TMEM59L: variants seen among roughly 807,000 people sequenced by gnomAD.
TMEM59L encodes the protein transmembrane protein 59-like.
In TMEM59L, 31 loss-of-function variants were observed where a neutral mutation model predicts 39.6. The ratio of observed to expected loss-of-function variants is 0.78; its 90% confidence interval spans 0.59 to 1.06. The LOEUF (loss-of-function observed/expected upper bound fraction) is 1.06, where lower values mean the gene tolerates loss of function less well. Among genes scored for constraint, TMEM59L ranks in the 50% least tolerant of loss-of-function variants. TMEM59L has a pLI of 0.00. For synonymous variants in TMEM59L, 219 were observed against 202.9 expected, an observed-to-expected ratio of 1.08 and a Z score of -0.68; for missense variants, 441 against 451.3, an observed-to-expected ratio of 0.98 and a Z score of 0.21.
At chr19:18,616,889 A>T in intron 4 of TMEM59L, 111 bp from the exon 5 acceptor site, 1 of 784,702 alleles carries the variant, frequency 1.3e-6, no homozygotes, top group Non-Finnish European at 2.1e-6. Context: ...CCTGATACCC[A>T]GGGGAACTGG....
intron 2 of TMEM59L, 35 bp downstream of exon 2, chr19:18,614,051 G>C (rs1210168347): frequency 6.2e-7 from 1 of 1,612,942 alleles, no homozygotes; most frequent in Non-Finnish European, 8.5e-7. Context: ...CCAGCGTGGG[G>C]AGAGGTGGCC....
At chr19:18,615,733 G>C (rs1407443837) in intron 3 of TMEM59L, among the ~76,000 whole-genome samples, 1 of 152,156 alleles carries the variant, frequency 6.6e-6, no homozygotes, top group Non-Finnish European at 1.5e-5. Context: ...TCAGCCTCTG[G>C]AGTAGCTGAG....
rs898481967 is a variant in TMEM59L, at chr19:18,614,088, C to T, written c.317-16C>T. The T allele has an allele frequency of 1.2e-6, 2 of 1,612,276 alleles. No individual in the cohort carries two copies. Among genetic ancestry groups the T allele is most frequent in the African/African-American group, 1.3e-5 (1 of 75,064 alleles). ...GGGAAGGGCCGTCCCCAGTCACCCG[C>T]TCCCACCTCCCACAGCCTGCGTGGA... On this transcript the variant is annotated splice_polypyrimidine_tract_variant and intron_variant, in intron 2 of 7. Coordinates refer to ENST00000262817, the MANE Select transcript of TMEM59L (RefSeq NM_012109.3).
Position 18,620,618 on chromosome 19 carries a change from G to A in TMEM59L, c.*82G>A, listed in dbSNP as rs900366139. On this transcript the variant is annotated 3_prime_UTR_variant, in exon 8 of 8. Transcript: ENST00000262817. Reference sequence around the variant, plus strand: ...CTGAGCCCAGGAGTCCAAGGGCAGGGTGGGTCCAGCCTTGAGCCCCTCCAC... The same window carrying A: ...CTGAGCCCAGGAGTCCAAGGGCAGGATGGGTCCAGCCTTGAGCCCCTCCAC... 28 of 1,530,092 alleles carry A rather than the reference G, an allele frequency of 1.8e-5. No individual in the cohort carries two copies. Among genetic ancestry groups the A allele is most frequent in the Non-Finnish European group, 2.0e-5 (23 of 1,139,320 alleles). The allele number at this position is 1,530,092 out of a possible 1,614,324, so 94.8% of individuals were successfully genotyped here.
At chr19:18,614,827 G>A (rs1976410853) in intron 3 of TMEM59L, among the ~76,000 whole-genome samples, 2 of 152,222 alleles carry the variant, frequency 1.3e-5, no homozygotes, top group Non-Finnish European at 2.9e-5. Flanking sequence ...CTGAGGCACA[G>A]AAAATCATGT....
chr19:18,613,890 T>C lies in TMEM59L; in HGVS notation c.190T>C (p.Ser64Pro). Reference protein sequence around the residue: ...QPSQAGLEGASESPYDRAVLI... With the variant: ...QPSQAGLEGAPESPYDRAVLI... ...CCCCCAGGCGGGGCTGGAGGGCGCC[T>C]CCGAGTCTCCCTATGACAGAGCCGT... The change falls in exon 2 of 8, where the codon TCC becomes CCC. Residue 64 changes from serine to proline, a missense_variant. Ser to Pro is a moderately conservative substitution (Grantham distance 74). Transcript: ENST00000262817. 6.3e-7 allele frequency: 1 copy of C among 1,599,200 alleles called. No homozygotes were observed. Among genetic ancestry groups the C allele is most frequent in the Non-Finnish European group, 8.5e-7 (1 of 1,172,286 alleles).
At chr19:18,613,491 A>C (rs1976392904) in intron 1 of TMEM59L, among the ~76,000 whole-genome samples, 1 of 138,680 alleles carries the variant, frequency 7.2e-6, no homozygotes, top group Non-Finnish European at 1.6e-5. Context: ...CAGAGCTACC[A>C]GCCCCTACTC....
At chr19:18,617,642 T>C in intron 5 of TMEM59L, 1 of 455,792 alleles carries the variant, frequency 2.2e-6, no homozygotes. Context: ...CAGGGTTCCA[T>C]GGTTCATCTC....
In TMEM59L at chr19:18,612,986, C is replaced by T. The variant is rs760338894; in HGVS notation, c.28C>T (p.Pro10Ser). The change falls in exon 1 of 8, where the codon CCG becomes TCG. Residue 10 changes from proline to serine, a missense_variant. Physicochemically the swap from Pro to Ser is moderately conservative, Grantham distance 74 (BLOSUM62 -1). Coordinates refer to ENST00000262817, the MANE Select transcript of TMEM59L (RefSeq NM_012109.3). The surrounding 1 kb of genome is among the most constrained non-coding windows in gnomAD (Gnocchi z 6.2). MAAVALMPP[P>S]LLLLLLLASP... is the part of the protein sequence containing the mutation. ...GGCTGCGGTGGCGCTGATGCCACCG[C>T]CGCTGCTGCTGCTGCTGCTGTTGGC... 228 of 1,359,036 alleles carry T rather than the reference C, an allele frequency of 1.7e-4. No individual in the cohort carries two copies. The highest frequency in any genetic ancestry group is 2.1e-4 in the Non-Finnish European group (220 of 1,059,774). 84.2% of individuals were successfully genotyped at this position (1,359,036 alleles called of 1,614,324 possible).
intron 1 of TMEM59L, 102 bp downstream of exon 1, chr19:18,613,231 G>T: frequency 3.4e-6 from 4 of 1,184,034 alleles, no homozygotes; most frequent in Non-Finnish European, 4.2e-6. Context: ...GGAGACTTTG[G>T]TGGGGGTGTC....
In TMEM59L at chr19:18,612,963, C is replaced by A; in HGVS notation, c.5C>A (p.Ala2Asp). 1 of 1,322,748 alleles carries A rather than the reference C, an allele frequency of 7.6e-7. No individual in the cohort carries two copies. The highest frequency in any genetic ancestry group is 2.1e-5 in the South Asian group (1 of 47,972). 81.9% of individuals were successfully genotyped at this position (1,322,748 alleles called of 1,614,324 possible). Residue 2 changes from alanine to aspartate, a missense_variant, in exon 1 of 8, where the codon GCT becomes GAT. Transcript: ENST00000262817. This position sits in a 1 kb window ranked among gnomAD's most constrained non-coding sequence, Gnocchi z 6.2. ...CCCCCCGCGTTCCGCCCGGCCATGG[C>A]TGCGGTGGCGCTGATGCCACCGCCG... MAAVALMPPPLL... is the reference protein window; with the variant it reads MDAVALMPPPLL...
In TMEM59L at chr19:18,617,050, C is replaced by G; in HGVS notation, c.612C>G (p.Arg204=). The G allele has an allele frequency of 1.3e-5, 21 of 1,613,398 alleles. No individual in the cohort carries two copies. The highest frequency in any genetic ancestry group is 1.7e-5 in the Non-Finnish European group (20 of 1,179,906). The part of the protein sequence containing the change: ...SLGFQGGRLQ[R]VEVTWRGSHP... The stretch of plus-strand genomic sequence containing the variant: ...GCTTCCAGGGGGGCCGTCTGCAGCG[C>G]GTGGAGGTGACCTGGCGAGGCTCCC... The change falls in exon 5 of 8, where the codon CGC becomes CGG. Residue 204 remains arginine, a synonymous_variant. Transcript: ENST00000262817.
chr19:18,614,123 G>T lies in TMEM59L; in HGVS notation c.336G>T (p.Val112=). ...CCACAGCCTGCGTGGAAGCCTATGT[G>T]AAGGAGGCAGAGCAGCAGGCCTGTA... ...ECEAACVEAY[V]KEAEQQACSH... is the part of the protein sequence containing the mutation. The change falls in exon 3 of 8, where the codon GTG becomes GTT. Residue 112 remains valine (V), a synonymous_variant. Transcript: ENST00000262817. The T allele has an allele frequency of 6.2e-7, 1 of 1,611,550 alleles. No individual in the cohort carries two copies. Among genetic ancestry groups the T allele is most frequent in the Middle Eastern group, 1.7e-4 (1 of 6,058 alleles).
In TMEM59L at chr19:18,620,635, C is replaced by A; in HGVS notation, c.*99C>A. Reference sequence around the variant, plus strand: ...AGGGCAGGGTGGGTCCAGCCTTGAGCCCCTCCACCCCCAAATCCTTCCTCT... The same window carrying A: ...AGGGCAGGGTGGGTCCAGCCTTGAGACCCTCCACCCCCAAATCCTTCCTCT... On this transcript the variant is annotated 3_prime_UTR_variant, in exon 8 of 8. Coordinates refer to ENST00000262817, the MANE Select transcript of TMEM59L (RefSeq NM_012109.3). The A allele has an allele frequency of 7.0e-7, 1 of 1,428,866 alleles. No homozygotes were observed. Among genetic ancestry groups the A allele is most frequent in the Admixed American group, 2.5e-5 (1 of 39,624 alleles). 88.5% of individuals were successfully genotyped at this position (1,428,866 alleles called of 1,614,324 possible).
chr19:18,615,192 A>C (rs1976414675), intron 3 of TMEM59L, among the ~76,000 whole-genome samples: 1 of 152,166 alleles, frequency 6.6e-6, no homozygotes, highest in African/African-American at 2.4e-5. Context: ...CATGTTGGCC[A>C]GGCTGATCTT....
chr19:18,616,222 T>C (rs771976917), intron 4 of TMEM59L, 95 bp downstream of exon 4: 39 of 1,484,458 alleles, frequency 2.6e-5, no homozygotes, highest in Admixed American at 7.1e-5. Context: ...AGATGCAAAG[T>C]CCACAGTGGG....
chr19:18,616,859 T>A, intron 4 of TMEM59L, 141 bp from the exon 5 acceptor site: 1 of 670,388 alleles, frequency 1.5e-6, no homozygotes, highest in Non-Finnish European at 2.6e-6. Flanking sequence ...GAAAACAACA[T>A]CCCTGACATC....
In TMEM59L at chr19:18,616,081, G is replaced by T; in HGVS notation, c.515G>T (p.Trp172Leu). 6.2e-7 allele frequency: 1 copy of T among 1,614,132 alleles called. No homozygotes were observed. The highest frequency in any genetic ancestry group is 8.5e-7 in the Non-Finnish European group (1 of 1,180,008). The change falls in exon 4 of 8, where the codon TGG becomes TTG. Residue 172 changes from tryptophan (W) to leucine (L), a missense_variant. Transcript: ENST00000262817. ...NSAQGFVSST[W>L]TYYLQTDNGK... ...GCCCAGGGATTTGTCTCCTCCACCTGGACATACTACTTGCAGACTGACAAT... is the reference window on the plus strand; with the variant it reads ...GCCCAGGGATTTGTCTCCTCCACCTTGACATACTACTTGCAGACTGACAAT...
In TMEM59L at chr19:18,615,746, T is replaced by C. The variant is rs117674577; in HGVS notation, c.409-229T>C. 4.0e-3 allele frequency among the ~76,000 whole-genome samples: 611 copies of C among 152,344 alleles called. 13 individuals carry two copies. In the East Asian group the frequency reaches 0.057, roughly 14 times the overall value. On this transcript the variant is annotated intron_variant, in intron 3 of 7. Transcript: ENST00000262817. The stretch of plus-strand genomic sequence containing the variant: ...CCTCAGCCTCTGGAGTAGCTGAGAT[T>C]CCAGGCGTGCGCCATCATGCCTGGC...
Sources: allele counts gnomAD v4.1 joint callset (sites outside exome capture counted in the v4.1 genomes callset), GRCh38; gene constraint gnomAD v4.1.1; non-coding constraint Gnocchi (gnomAD v3.1); transcripts MANE v1.5; gene names NCBI Gene and HGNC (gene_info 2026-07-23, HGNC 2026-07-21).